Variants in AVEN observed in about 807,000 individuals in gnomAD.
AVEN encodes apoptosis and caspase activation inhibitor.
A neutral mutation model predicts 38.1 loss-of-function variants in AVEN; 41 were observed. The observed-to-expected ratio is 1.08, with a 90% CI of 0.84 to 1.40. The LOEUF (loss-of-function observed/expected upper bound fraction) is 1.40. Ranked by LOEUF, AVEN falls within the 40% of genes most tolerant of loss-of-function variation. AVEN has a pLI of 0.00. For synonymous variants in AVEN, 206 were observed against 171.8 expected (o/e 1.20, Z -1.56); for missense variants, 605 against 438.8 (o/e 1.38, Z -3.38).
chr15:33,869,543 GCTCTCCCAAA>G (rs1363489484), intron 4 of AVEN, among the ~76,000 whole-genome samples: 1 of 152,114 alleles, frequency 6.6e-6, no homozygotes, highest in Non-Finnish European at 1.5e-5. Context: ...AGCCACTAGT[GCTCTCCCAAA>G]CACCCCCAAA....
chr15:33,853,205 A>G, the AVEN span: 5 of 1,001,596 alleles, frequency 5.0e-6, no homozygotes, highest in Non-Finnish European at 7.2e-6. Flanking sequence ...TAATATCTCA[A>G]GAAGAGTAAG....
At chr15:33,923,605 C>T in intron 2 of AVEN, among the ~76,000 whole-genome samples, 1 of 152,154 alleles carries the variant, frequency 6.6e-6, no homozygotes, top group African/African-American at 2.4e-5. Context: ...ATGGGTGTAG[C>T]TGTGTTCTAA....
chr15:33,966,039 A>G (rs1463761463), intron 2 of AVEN, among the ~76,000 whole-genome samples: 1 of 152,216 alleles, frequency 6.6e-6, no homozygotes, highest in Non-Finnish European at 1.5e-5. Flanking sequence ...ACTTAAGTCA[A>G]TGTTTTTCCA....
intron 2 of AVEN, among the ~76,000 whole-genome samples, chr15:33,949,173 GC>G (rs922611142): frequency 6.6e-6 from 1 of 151,944 alleles, no homozygotes; most frequent in African/African-American, 2.4e-5. Flanking sequence ...ACAGGCACCC[GC>G]CACCACGCCC....
intron 2 of AVEN, among the ~76,000 whole-genome samples, chr15:33,952,097 T>C (rs1486637135): frequency 6.6e-6 from 1 of 152,126 alleles, no homozygotes; most frequent in Non-Finnish European, 1.5e-5. Context: ...AAAGATATAT[T>C]TTAGAACAAA....
intron 2 of AVEN, among the ~76,000 whole-genome samples, chr15:33,997,630 T>C (rs1464639295): frequency 6.6e-6 from 1 of 152,192 alleles, no homozygotes; most frequent in African/African-American, 2.4e-5. Context: ...ATAATCCTTC[T>C]GCCCTGAAAA....
At position 33,868,927 on chromosome 15, in the gene AVEN, T is replaced by C. The variant is rs186921291; in HGVS notation, c.613-1072A>G. On this transcript the variant is annotated intron_variant, in intron 4 of 5. Transcript: ENST00000306730. ...TTACAAACTCCCCCGGTGATTGTAA[T>C]ACAAGGTTATAATCTAAGGCTGAGA... Among the ~76,000 whole-genome samples the C allele has an allele frequency of 3.7e-4, 57 of 152,304 alleles. No individual in the cohort carries two copies. The East Asian group carries it at 8.7e-3, about 23-fold the overall frequency.
chr15:33,964,917 G>A (rs1374137956), intron 2 of AVEN, among the ~76,000 whole-genome samples: 4 of 152,210 alleles, frequency 2.6e-5, no homozygotes, highest in African/African-American at 9.6e-5. Flanking sequence ...TAAGTTGAAT[G>A]ATGGTTATTC....
intron 2 of AVEN, among the ~76,000 whole-genome samples, chr15:33,993,151 T>G (rs1167316430): frequency 6.6e-6 from 1 of 152,162 alleles, no homozygotes; most frequent in Non-Finnish European, 1.5e-5. Flanking sequence ...ATTTGACTTT[T>G]GGGGAAAAAA....
chr15:33,854,433 T>C, downstream of AVEN: 5 of 1,574,978 alleles, frequency 3.2e-6, no homozygotes, highest in Non-Finnish European at 4.3e-6. Flanking sequence ...AAGCTTGGAG[T>C]TGTTTTTACT....
downstream of AVEN, chr15:33,858,694 G>C (rs902928340): frequency 6.6e-6 from 1 of 152,440 alleles, no homozygotes; most frequent in Non-Finnish European, 1.5e-5. Context: ...GTGGGGAGGG[G>C]GAGTCCCGTC....
At chr15:33,987,762 A>G (rs1283505981) in intron 2 of AVEN, among the ~76,000 whole-genome samples, 4 of 152,176 alleles carry the variant, frequency 2.6e-5, no homozygotes, top group African/African-American at 4.8e-5. Context: ...CTTCTGCTAC[A>G]AGTTGGCAAA....
intron 1 of AVEN, among the ~76,000 whole-genome samples, chr15:34,019,769 T>A (rs577141086): frequency 3.3e-5 from 5 of 152,178 alleles, no homozygotes; most frequent in Non-Finnish European, 7.3e-5. Context: ...ACCGCCTGGG[T>A]GTACAGTAGG....
At chr15:34,012,744 G>A (rs7165892) in intron 1 of AVEN, among the ~76,000 whole-genome samples, 16,008 of 152,196 alleles carry the variant, frequency 0.11, 931 homozygotes, top group East Asian at 0.24. Flanking sequence ...GCCAGAGGAA[G>A]AGAACTTTAA....
chr15:33,861,163 A>G, intron 11 of AVEN: 1 of 1,588,768 alleles, frequency 6.3e-7, no homozygotes, highest in South Asian at 1.1e-5. Flanking sequence ...CAAGAGCACA[A>G]CTTAGCCAAC....
intron 5 of AVEN, among the ~76,000 whole-genome samples, chr15:34,047,235 G>A (rs1899734313): frequency 6.6e-6 from 1 of 152,036 alleles, no homozygotes; most frequent in South Asian, 2.1e-4. Context: ...CCGCCACCAT[G>A]CCCTGCTAAC....
downstream of AVEN, chr15:33,857,919 G>A: frequency 6.2e-7 from 1 of 1,613,334 alleles, no homozygotes; most frequent in Non-Finnish European, 8.5e-7. Flanking sequence ...ATGACGGTGA[G>A]AGCCCACCCA....
At chr15:33,968,099 T>TAAAAAAAAAAAAAAAAAAAAAAAAAA (rs71119906) in intron 2 of AVEN, among the ~76,000 whole-genome samples, 1 of 25,852 alleles carries the variant, frequency 3.9e-5, no homozygotes, top group African/African-American at 1.1e-4. Flanking sequence ...TAGCAAAGCT[T>TAAAAAAAAAAAAAAAAAAAAAAAAAA]AAAAAAAAAA....
intron 1 of AVEN, among the ~76,000 whole-genome samples, chr15:34,017,454 G>C (rs1237230800): frequency 6.7e-6 from 1 of 148,464 alleles, no homozygotes; most frequent in Non-Finnish European, 1.5e-5. Flanking sequence ...AATTAACCAA[G>C]ATAAGTGATT....
Sources: allele counts gnomAD v4.1 joint callset (sites outside exome capture counted in the v4.1 genomes callset), GRCh38; gene constraint gnomAD v4.1.1; transcripts MANE v1.5; gene names NCBI Gene and HGNC (gene_info 2026-07-23, HGNC 2026-07-21).